DCHS2: variants seen among roughly 807,000 people sequenced by gnomAD.
DCHS2 encodes the protein protocadherin-23.
A neutral mutation model predicts 182.4 loss-of-function variants in DCHS2; 142 were observed. The observed-to-expected ratio is 0.78, with a 90% CI of 0.68 to 0.89. The LOEUF (loss-of-function observed/expected upper bound fraction) is 0.89, where lower values mean the gene tolerates loss of function less well. DCHS2 is among the 40% of genes least tolerant of loss of function. DCHS2 has a pLI of 0.00. For synonymous variants in DCHS2, 1,740 were observed against 1,663.3 expected, an observed-to-expected ratio of 1.05 and a Z score of -1.12; for missense variants, 4,319 against 4,198.6, an observed-to-expected ratio of 1.03 and a Z score of -0.79.
At position 154,236,843 on chromosome 4, in the gene DCHS2, C is replaced by T; in HGVS notation, c.7809G>A (p.Lys2603=). ...NSQNNFHVET[K]FFHSEYPYKQ... is the part of the protein sequence containing the mutation. ...TATAAGGATATTCTGAATGAAAGAA[C>T]TTAGTTTCCACATGAAAATTGTTCT... Residue 2603 remains lysine (K), a synonymous_variant, in exon 20 of 20, where the codon AAG becomes AAA. Coordinates refer to ENST00000357232, the MANE Select transcript of DCHS2 (RefSeq NM_001358235.2). 6.2e-7 allele frequency: 1 copy of T among 1,614,078 alleles called. No individual in the cohort carries two copies. Among genetic ancestry groups the T allele is most frequent in the Non-Finnish European group, 8.5e-7 (1 of 1,179,970 alleles).
At chr4:154,483,478 G>C (rs1052236340) in intron 1 of DCHS2, among the ~76,000 whole-genome samples, 1 of 152,144 alleles carries the variant, frequency 6.6e-6, no homozygotes, top group African/African-American at 2.4e-5. Flanking sequence ...TGGGTCAACT[G>C]AAGAAACATG....
At chr4:154,316,657 G>A (rs1735866104) in intron 9 of DCHS2, among the ~76,000 whole-genome samples, 1 of 152,086 alleles carries the variant, frequency 6.6e-6, no homozygotes, top group Admixed American at 6.6e-5. Flanking sequence ...GGTGGCGGGT[G>A]CCTGTAATCT....
chr4:154,329,496 A>C, intron 6 of DCHS2, 27 bp downstream of exon 6: 2 of 1,600,490 alleles, frequency 1.2e-6, no homozygotes, highest in Admixed American at 1.7e-5. Flanking sequence ...AGATATTACA[A>C]ATTCATTGCA....
At chr4:154,243,483 A>C (rs192178539) in intron 16 of DCHS2, among the ~76,000 whole-genome samples, 55 of 152,240 alleles carry the variant, frequency 3.6e-4, no homozygotes, top group Non-Finnish European at 6.8e-4. Flanking sequence ...CCAATGTTCA[A>C]CTAATTATGT....
intron 1 of DCHS2, among the ~76,000 whole-genome samples, chr4:154,396,110 T>C (rs1731918869): frequency 6.6e-6 from 1 of 152,208 alleles, no homozygotes; most frequent in Admixed American, 6.5e-5. Flanking sequence ...ATTTTTCTTT[T>C]CAGATCTGGT....
intron 16 of DCHS2, among the ~76,000 whole-genome samples, chr4:154,251,012 G>A (rs1732325891): frequency 6.6e-6 from 1 of 152,100 alleles, no homozygotes; most frequent in African/African-American, 2.4e-5. Context: ...CGTGCCTTTG[G>A]CCCCAAATCC....
rs61738813 is a variant in DCHS2 at position 154,235,095 on chromosome 4, G to A, written c.9557C>T (p.Thr3186Ile). The part of the protein sequence containing the change: ...TCAQNNVLPQ[T>I]VQKREAKESI... ...CTCTTTTGCCTCTCTCTTCTGAACT[G>A]TCTGGGGTAACACATTATTTTGAGC... The change falls in exon 20 of 20, where the codon ACA becomes ATA. Residue 3186 changes from threonine to isoleucine, a missense_variant. Thr to Ile is a moderately conservative substitution (Grantham distance 89). Transcript: ENST00000357232. 1.0e-3 allele frequency: 1,675 copies of A among 1,613,982 alleles called. 25 individuals carry two copies. The African/African-American group carries it at 0.02, about 20-fold the overall frequency.
Position 154,240,594 on chromosome 4 carries a change from T to C in DCHS2, c.7302A>G (p.Val2434=), listed in dbSNP as rs754603533. 1 of 1,613,894 alleles carries C rather than the reference T, an allele frequency of 6.2e-7. No individual in the cohort carries two copies. ...DSVHYTEGAL[V]VRVLDVNDNP... ...TATCATTGACATCCAGCACACGGAC[T>C]ACAAGTGCTCCCTCTGTGTAGTGCA... Residue 2434 remains valine (V), a synonymous_variant, in exon 18 of 20, where the codon GTA becomes GTG. Transcript: ENST00000357232.
At chr4:154,398,810 A>G (rs182369978) in intron 1 of DCHS2, among the ~76,000 whole-genome samples, 66 of 152,360 alleles carry the variant, frequency 4.3e-4, no homozygotes, top group African/African-American at 1.4e-3. Context: ...CTAAGATCTG[A>G]GTCTAAATCT....
intron 3 of DCHS2, among the ~76,000 whole-genome samples, chr4:154,341,964 T>G (rs2111386664): frequency 6.6e-6 from 1 of 152,230 alleles, no homozygotes; most frequent in East Asian, 1.9e-4. Flanking sequence ...AATATAACCA[T>G]CAAAAGAAAT....
intron 1 of DCHS2, among the ~76,000 whole-genome samples, chr4:154,440,359 AT>A (rs1396680571): frequency 3.3e-5 from 5 of 152,240 alleles, no homozygotes; most frequent in African/African-American, 1.2e-4. Context: ...AAATCTGTCT[AT>A]AGTCCCACTG....
intron 1 of DCHS2, among the ~76,000 whole-genome samples, chr4:154,432,640 T>C (rs1275285652): frequency 1.0e-4 from 15 of 149,816 alleles, no homozygotes; most frequent in Admixed American, 9.9e-4. Context: ...AATGGAGTAA[T>C]AGAATGAAAA....
At chr4:154,395,497 A>T (rs578083172) in intron 1 of DCHS2, among the ~76,000 whole-genome samples, 2 of 152,178 alleles carry the variant, frequency 1.3e-5, no homozygotes, top group African/African-American at 4.8e-5. Context: ...TTGCTCCGCC[A>T]TCACACTTGT....
chr4:154,464,373 T>C (rs1257708148), intron 1 of DCHS2, among the ~76,000 whole-genome samples: 1 of 152,150 alleles, frequency 6.6e-6, no homozygotes, highest in East Asian at 1.9e-4. Flanking sequence ...TTGAGGAAAA[T>C]TCACAGCAAG....
intron 4 of DCHS2, 96 bp from the exon 5 acceptor site, chr4:154,333,590 A>T (rs1422988762): frequency 8.7e-7 from 1 of 1,155,990 alleles, no homozygotes; most frequent in African/African-American, 1.6e-5. Context: ...CCACTGCCTA[A>T]TGACACTTCA....
intron 13 of DCHS2, among the ~76,000 whole-genome samples, chr4:154,274,628 G>T (rs1215891486): frequency 6.6e-6 from 1 of 152,030 alleles, no homozygotes; most frequent in Non-Finnish European, 1.5e-5. Flanking sequence ...AATTTTTCAG[G>T]AATAAAACAT....
At chr4:154,323,000 T>C in intron 7 of DCHS2, 1 of 508,662 alleles carries the variant, frequency 2.0e-6, no homozygotes. Context: ...TTTATTTTTC[T>C]TGTTTACATT....
chr4:154,490,755 T>C lies in DCHS2; in HGVS notation c.601A>G (p.Thr201Ala), dbSNP rs1051916378. 2.6e-6 allele frequency: 4 copies of C among 1,551,564 alleles called. No individual in the cohort carries two copies. The highest frequency in any genetic ancestry group is 2.4e-5 in the South Asian group (2 of 84,058). The change falls in exon 1 of 20, where the codon ACT becomes GCT. Residue 201 changes from threonine to alanine, a missense_variant. Physicochemically the swap from Thr to Ala is moderately conservative, Grantham distance 58 (BLOSUM62 0). Transcript: ENST00000357232. The stretch of plus-strand genomic sequence containing the variant: ...GGTTGCACCAGGGTGTAGCCCTGAG[T>C]GCTGAACAGTCCGGCGTCCGGATCG... The part of the protein sequence containing the change: ...AHDPDAGLFS[T>A]QGYTLVQPSD...
chr4:154,444,316 G>T (rs1351005243), intron 1 of DCHS2, among the ~76,000 whole-genome samples: 1 of 151,868 alleles, frequency 6.6e-6, no homozygotes, highest in Non-Finnish European at 1.5e-5. Context: ...TATTTTTTAG[G>T]TATCTCAAAA....
Sources: allele counts gnomAD v4.1 joint callset (sites outside exome capture counted in the v4.1 genomes callset), GRCh38; gene constraint gnomAD v4.1.1; transcripts MANE v1.5; gene names NCBI Gene and HGNC (gene_info 2026-07-23, HGNC 2026-07-21).